DZIP1: variants seen among roughly 807,000 people sequenced by gnomAD.
DZIP1 encodes the protein cilium assembly protein DZIP1.
In DZIP1, 97 loss-of-function variants were observed where a neutral mutation model predicts 107.6. That is an observed-to-expected ratio of 0.90 (90% confidence interval 0.77 to 1.07). The LOEUF is 1.07. Ranked by LOEUF, DZIP1 falls within the 50% of genes least tolerant of loss-of-function variation. The pLI, the probability that DZIP1 is intolerant of heterozygous loss-of-function variation, is 0.00. For missense variants in DZIP1, 1,035 were observed against 1,063.6 expected, an observed-to-expected ratio of 0.97 and a Z score of 0.37; for synonymous variants, 390 against 386.4, an observed-to-expected ratio of 1.01 and a Z score of -0.11.
chr13:95,601,704 A>G (rs2044621331), intron 14 of DZIP1, among the ~76,000 whole-genome samples: 1 of 152,182 alleles, frequency 6.6e-6, no homozygotes, highest in Admixed American at 6.5e-5. Flanking sequence ...GCCTGCTTCC[A>G]AAGTCTGGGG....
chr13:95,644,088 C>A (rs1488242383), intron 1 of DZIP1, among the ~76,000 whole-genome samples: 3 of 152,206 alleles, frequency 2.0e-5, no homozygotes, highest in Non-Finnish European at 4.4e-5. Context: ...CTCCCTCCCC[C>A]ATCCCGGGCA....
chr13:95,604,600 C>T (rs1272806394), intron 14 of DZIP1, among the ~76,000 whole-genome samples: 2 of 152,196 alleles, frequency 1.3e-5, no homozygotes, highest in African/African-American at 2.4e-5. Flanking sequence ...TAGAAATGAT[C>T]GATTTGTCCG....
intron 13 of DZIP1, among the ~76,000 whole-genome samples, chr13:95,608,457 T>TG (rs1301886593): frequency 6.6e-6 from 1 of 151,384 alleles, no homozygotes; most frequent in East Asian, 1.9e-4. Flanking sequence ...GTTTTTTTTT[T>TG]TTTTGGTTTT....
In DZIP1 at chr13:95,590,435, G is replaced by A. The variant is rs539519755; in HGVS notation, c.1687C>T (p.Arg563Cys). ...LETLGINADIRGISSDQLHRV... is the reference protein window; with the variant it reads ...LETLGINADICGISSDQLHRV... ...TGCAACTGATCACTTGAAATGCCAC[G>A]TATATCCTGAAAGAATAAGATGTTA... The change falls in exon 17 of 23, where the codon CGT (arginine) becomes TGT (cysteine). Residue 563 changes from arginine (R) to cysteine (C), a missense_variant. By Grantham distance (180) the Arg-to-Cys change is radical (BLOSUM62 -3). Coordinates refer to ENST00000376829, the MANE Select transcript of DZIP1 (RefSeq NM_198968.4). The A allele has an allele frequency of 2.0e-5, 32 of 1,600,878 alleles. No homozygotes were observed. The highest frequency in any genetic ancestry group is 1.0e-4 in the South Asian group (9 of 87,896).
intron 21 of DZIP1, 28 bp from the exon 22 acceptor site, chr13:95,584,938 ATGTTGCT>A: frequency 1.3e-6 from 2 of 1,584,732 alleles, no homozygotes; most frequent in Admixed American, 3.5e-5. Context: ...AGAATAATTA[ATGTTGCT>A]TAGAAAAAAA....
Position 95,641,771 on chromosome 13 carries a change from C to A in DZIP1, c.121G>T (p.Ala41Ser). 1.9e-6 allele frequency: 3 copies of A among 1,556,438 alleles called. No homozygotes were observed. The highest frequency in any genetic ancestry group is 2.4e-5 in the South Asian group (2 of 83,702). The change falls in exon 5 of 23, where the codon GCC (alanine) becomes TCC (serine). Residue 41 changes from alanine (A) to serine (S), a missense_variant. Coordinates refer to ENST00000376829, the MANE Select transcript of DZIP1 (RefSeq NM_198968.4). This position sits in a 1 kb window ranked among gnomAD's most constrained non-coding sequence, Gnocchi z 4.3. The stretch of plus-strand genomic sequence containing the variant: ...CTGGGGGGCGCACAGGCCATGGAGG[C>A]CGCACCCGCGGCGGCGGCGGCCACA... ...VAVAAAAAGA[A>S]SMACAPPSAA... is the part of the protein sequence containing the mutation.
chr13:95,598,810 T>C (rs2044532103), intron 15 of DZIP1, among the ~76,000 whole-genome samples: 1 of 152,156 alleles, frequency 6.6e-6, no homozygotes, highest in Admixed American at 6.5e-5. Flanking sequence ...TTTAGGACTA[T>C]CAAATGAAAT....
At chr13:95,619,790 G>T (rs183942914) in intron 10 of DZIP1, 95 bp downstream of exon 10, 4 of 1,275,282 alleles carry the variant, frequency 3.1e-6, no homozygotes, top group African/African-American at 3.0e-5. Flanking sequence ...CTCCCCAAAT[G>T]TTATTAAGTG....
In DZIP1 at chr13:95,641,206, A is replaced by C. The variant is rs1467084628; in HGVS notation, c.597+89T>G. 6.7e-7 allele frequency: 1 copy of C among 1,489,076 alleles called. No individual in the cohort carries two copies. The highest frequency in any genetic ancestry group is 9.0e-7 in the Non-Finnish European group (1 of 1,112,716). 92.2% of individuals were successfully genotyped at this position (1,489,076 alleles called of 1,614,324 possible). On this transcript the variant is annotated intron_variant, in intron 5 of 22. Transcript: ENST00000376829. This position sits in a 1 kb window ranked among gnomAD's most constrained non-coding sequence, Gnocchi z 4.3. Reference sequence around the variant, plus strand: ...CTGATATACAATATAAATCTTTAAGAAGAAAGAGTGGTGATACGGGACAGG... The same window carrying C: ...CTGATATACAATATAAATCTTTAAGCAGAAAGAGTGGTGATACGGGACAGG...
chr13:95,610,356 G>A (rs904797824), intron 12 of DZIP1, among the ~76,000 whole-genome samples: 3 of 151,674 alleles, frequency 2.0e-5, no homozygotes, highest in African/African-American at 7.3e-5. Flanking sequence ...TGTCACCCAG[G>A]CTTGAGTGCA....
chr13:95,612,735 C>G (rs1036947144), intron 10 of DZIP1, among the ~76,000 whole-genome samples: 1 of 152,156 alleles, frequency 6.6e-6, no homozygotes, highest in Non-Finnish European at 1.5e-5. Context: ...CAGGCCCACA[C>G]AACCATACCT....
At position 95,641,812 on chromosome 13, in the gene DZIP1, T is replaced by C; in HGVS notation, c.80A>G (p.Glu27Gly). Residue 27 changes from glutamate to glycine, a missense_variant, in exon 5 of 23, where the codon GAG becomes GGG. Transcript: ENST00000376829. This position sits in a 1 kb window ranked among gnomAD's most constrained non-coding sequence, Gnocchi z 4.3. The part of the protein sequence containing the change: ...HVYYPLASGP[E>G]GPDVAVAAAA... The stretch of plus-strand genomic sequence containing the variant: ...GGCGGCCACAGCGACGTCGGGCCCC[T>C]CTGGGCCGCTGGCGAGCGGGTAGTA... 2 of 1,477,734 alleles carry C rather than the reference T, an allele frequency of 1.4e-6. No homozygotes were observed. Among genetic ancestry groups the C allele is most frequent in the Non-Finnish European group, 1.8e-6 (2 of 1,123,636 alleles). The allele number at this position is 1,477,734 out of a possible 1,614,324, so 91.5% of individuals were successfully genotyped here.
intron 14 of DZIP1, among the ~76,000 whole-genome samples, chr13:95,602,142 C>A (rs1283578894): frequency 6.6e-6 from 1 of 152,188 alleles, no homozygotes; most frequent in African/African-American, 2.4e-5. Flanking sequence ...CACTCAACAG[C>A]TGCCATGAAC....
At chr13:95,607,260 T>C (rs1020129459) in intron 13 of DZIP1, among the ~76,000 whole-genome samples, 2 of 152,168 alleles carry the variant, frequency 1.3e-5, no homozygotes, top group African/African-American at 4.8e-5. Flanking sequence ...TTGGCTAGGC[T>C]GGTCTCAAAC....
intron 15 of DZIP1, among the ~76,000 whole-genome samples, chr13:95,598,118 G>A (rs536501323): frequency 2.7e-4 from 41 of 152,282 alleles, no homozygotes; most frequent in African/African-American, 9.6e-4. Flanking sequence ...ATGGCTTTAT[G>A]TAATTTAATG....
intron 15 of DZIP1, 56 bp downstream of exon 15, chr13:95,599,309 G>C: frequency 6.7e-7 from 1 of 1,484,940 alleles, no homozygotes; most frequent in Non-Finnish European, 9.4e-7. Context: ...TCCAGGCCTA[G>C]ATTTTGGCAT....
intron 14 of DZIP1, among the ~76,000 whole-genome samples, chr13:95,604,817 G>A (rs906326971): frequency 6.6e-6 from 1 of 152,182 alleles, no homozygotes; most frequent in Admixed American, 6.5e-5. Flanking sequence ...GCTTTACAAA[G>A]GGACGCAACA....
intron 15 of DZIP1, among the ~76,000 whole-genome samples, chr13:95,595,493 T>C (rs557236619): frequency 1.7e-4 from 26 of 152,316 alleles, no homozygotes; most frequent in Non-Finnish European, 7.3e-5. Context: ...TTAAATCTTA[T>C]ATTATCAGCA....
chr13:95,608,959 C>G (rs1223254862), intron 13 of DZIP1, among the ~76,000 whole-genome samples: 1 of 152,244 alleles, frequency 6.6e-6, no homozygotes. Flanking sequence ...AAACAACCAT[C>G]TCTCAGTTTC....
Sources: gnomAD v4.1 joint callset for allele counts (sites outside exome capture counted in the v4.1 genomes callset) on GRCh38, gnomAD v4.1.1 for gene constraint, Gnocchi (gnomAD v3.1) non-coding constraint, MANE v1.5 for transcripts, NCBI Gene and HGNC (gene_info 2026-07-23, HGNC 2026-07-21) for gene names.